NUP205: variants seen among roughly 807,000 people sequenced by gnomAD.
The protein encoded by NUP205 is nuclear pore complex protein Nup205.
Under a neutral mutation model 253.8 loss-of-function variants are expected in NUP205, and 76 were observed. The ratio of observed to expected loss-of-function variants is 0.30; its 90% CI spans 0.25 to 0.36. The LOEUF (loss-of-function observed/expected upper bound fraction) is 0.36. Among genes scored for constraint, NUP205 ranks in the 10% least tolerant of loss-of-function variants. The pLI is 1.00. For missense variants in NUP205, 2,162 were observed against 2,425.5 expected, an observed-to-expected ratio of 0.89 and a Z score of 2.28; for synonymous variants, 832 against 850.1, an observed-to-expected ratio of 0.98 and a Z score of 0.37.
In NUP205 at chr7:135,644,972, G is replaced by A; in HGVS notation, c.5637G>A (p.Leu1879=). The change falls in exon 40 of 43, where the codon TTG becomes TTA. Residue 1879 remains leucine, a synonymous_variant. Coordinates refer to ENST00000285968, the MANE Select transcript of NUP205 (RefSeq NM_015135.3). ...AATATGTTCTAGCAAGACGGCGCTT[G>A]GTGAAGGTGATCAACAATCGAGCTA... The part of the protein sequence containing the change: ...AQKYVLARRR[L]VKVINNRAKL... 1.2e-6 allele frequency: 2 copies of A among 1,614,104 alleles called. No homozygotes were observed. The highest frequency in any genetic ancestry group is 1.7e-6 in the Non-Finnish European group (2 of 1,179,996).
intron 38 of NUP205, among the ~76,000 whole-genome samples, chr7:135,642,070 C>T (rs1163621597): frequency 1.3e-5 from 2 of 151,700 alleles, no homozygotes; most frequent in Non-Finnish European, 2.9e-5. Flanking sequence ...GCCTGGCCAT[C>T]ATGGTGAAAC....
At chr7:135,589,205 A>G (rs1210463871) in intron 10 of NUP205, among the ~76,000 whole-genome samples, 1 of 147,976 alleles carries the variant, frequency 6.8e-6, no homozygotes, top group Non-Finnish European at 1.5e-5. Context: ...GGAGATTGCC[A>G]TGTTCATTTT....
chr7:135,591,611 T>A lies in NUP205; in HGVS notation c.1624+11T>A. 1 of 1,606,258 alleles carries A rather than the reference T, an allele frequency of 6.2e-7. No homozygotes were observed. Among genetic ancestry groups the A allele is most frequent in the East Asian group, 2.2e-5 (1 of 44,840 alleles). On this transcript the variant is annotated intron_variant, in intron 11 of 42. Coordinates refer to ENST00000285968, the MANE Select transcript of NUP205 (RefSeq NM_015135.3). ...ATGGTAGTAGTCATGGTAAGGAATA[T>A]GTGGATGTTGTTAAAGTTTGTTGTT...
intron 1 of NUP205, among the ~76,000 whole-genome samples, chr7:135,562,906 G>A (rs1288170595): frequency 3.3e-5 from 5 of 152,146 alleles, no homozygotes; most frequent in Non-Finnish European, 7.3e-5. Flanking sequence ...CCCGTTTTCT[G>A]TACTGCAGCT....
intron 1 of NUP205, among the ~76,000 whole-genome samples, chr7:135,568,762 C>T (rs956227530): frequency 6.6e-6 from 1 of 152,192 alleles, no homozygotes; most frequent in Admixed American, 6.5e-5. Context: ...AATCTTGCTA[C>T]TGCTCTGAAT....
intron 36 of NUP205, 61 bp downstream of exon 36, chr7:135,635,718 TC>T: frequency 1.0e-6 from 1 of 972,684 alleles, no homozygotes; most frequent in Middle Eastern, 2.6e-4. Context: ...TATACCATCC[TC>T]CCCATTGTGC....
chr7:135,585,337 G>C (rs927506405), intron 8 of NUP205, among the ~76,000 whole-genome samples: 1 of 152,130 alleles, frequency 6.6e-6, no homozygotes, highest in African/African-American at 2.4e-5. Flanking sequence ...ATGGAAATAA[G>C]TCCTCTTAAC....
chr7:135,626,355 C>T lies in NUP205; in HGVS notation c.4787C>T (p.Pro1596Leu), dbSNP rs751353231. ...TATGACATGCGCCCAGAAACGGACC[C>T]GCAGAGGTAAGTGTCTGTATAGATT... is the stretch of plus-strand genomic sequence containing the variant. ...QVYDMRPETD[P>L]QSMFGMRDPP... The change falls in exon 33 of 43, where the codon CCG (proline) becomes CTG (leucine). Residue 1596 changes from proline to leucine, a missense_variant. Transcript: ENST00000285968. 17 of 1,613,796 alleles carry T rather than the reference C, an allele frequency of 1.1e-5. No individual in the cohort carries two copies. The highest frequency in any genetic ancestry group is 6.6e-5 in the South Asian group (6 of 91,068).
chr7:135,597,926 T>C, intron 14 of NUP205, 72 bp from the exon 15 acceptor site: 2 of 1,148,746 alleles, frequency 1.7e-6, no homozygotes, highest in Non-Finnish European at 2.6e-6. Flanking sequence ...AATATGTTAA[T>C]GTCTGCATAA....
In NUP205 at chr7:135,607,387, C is replaced by A. The variant is rs774817875; in HGVS notation, c.3195+16C>A. 29 of 1,610,742 alleles carry A rather than the reference C, an allele frequency of 1.8e-5. No individual in the cohort carries two copies. In the East Asian group the frequency reaches 6.5e-4, roughly 36 times the overall value. ...ATGTTACCAGGTACACAGAAAACTG[C>A]GTTTTGTGGTACTGAATAGAAGAAA... is the stretch of plus-strand genomic sequence containing the variant. On this transcript the variant is annotated intron_variant, in intron 22 of 42. Coordinates refer to ENST00000285968, the MANE Select transcript of NUP205 (RefSeq NM_015135.3).
At chr7:135,584,337 T>A (rs1272409104) in intron 7 of NUP205, among the ~76,000 whole-genome samples, 1 of 152,188 alleles carries the variant, frequency 6.6e-6, no homozygotes, top group African/African-American at 2.4e-5. Flanking sequence ...TATAAAAAAA[T>A]TACAGTTAGA....
intron 6 of NUP205, 140 bp downstream of exon 6, chr7:135,578,164 T>G: frequency 1.7e-6 from 1 of 600,886 alleles, no homozygotes; most frequent in South Asian, 2.2e-5. Flanking sequence ...ATTTGAATAT[T>G]TATATATAAG....
intron 8 of NUP205, among the ~76,000 whole-genome samples, chr7:135,585,595 C>T (rs1341971149): frequency 6.6e-6 from 1 of 151,534 alleles, no homozygotes; most frequent in Admixed American, 6.6e-5. Flanking sequence ...TCTATTGCGC[C>T]CAGGCTGGAG....
At chr7:135,642,737 C>T (rs1056931407) in intron 38 of NUP205, among the ~76,000 whole-genome samples, 2 of 152,096 alleles carry the variant, frequency 1.3e-5, no homozygotes, top group Non-Finnish European at 2.9e-5. Flanking sequence ...CAGAAAGATG[C>T]AGACCAGAAA....
chr7:135,567,128 G>GTATATATATATATATATATA (rs1163648935), intron 1 of NUP205, among the ~76,000 whole-genome samples: 1 of 7,226 alleles, frequency 1.4e-4, no homozygotes, highest in African/African-American at 4.9e-4. Flanking sequence ...GTCTATGTGT[G>GTATATATATATATATATATA]TATATATATA....
intron 2 of NUP205, among the ~76,000 whole-genome samples, chr7:135,573,295 A>G (rs1157631451): frequency 6.6e-6 from 1 of 152,194 alleles, no homozygotes; most frequent in Non-Finnish European, 1.5e-5. Flanking sequence ...TAAGTAATTA[A>G]ACAGTTCATA....
chr7:135,576,316 A>G lies in NUP205; in HGVS notation c.390A>G (p.Val130=). Residue 130 remains valine (V), a synonymous_variant, in exon 4 of 43, where the codon GTA becomes GTG. Coordinates refer to ENST00000285968, the MANE Select transcript of NUP205 (RefSeq NM_015135.3). ...PHFPGLTRGL[V]AVLLYWDGKR... is the part of the protein sequence containing the mutation. The stretch of plus-strand genomic sequence containing the variant: ...TTCCTGGCCTTACCAGAGGATTAGT[A>G]GCTGTTCTTCTGTACTGGGATGGAA... 1 of 1,613,702 alleles carries G rather than the reference A, an allele frequency of 6.2e-7. No homozygotes were observed. Among genetic ancestry groups the G allele is most frequent in the Non-Finnish European group, 8.5e-7 (1 of 1,179,670 alleles).
At chr7:135,564,201 T>C (rs1458428018) in intron 1 of NUP205, among the ~76,000 whole-genome samples, 1 of 150,890 alleles carries the variant, frequency 6.6e-6, no homozygotes, top group Non-Finnish European at 1.5e-5. Flanking sequence ...CACTTCAGCC[T>C]CATGAGTAGC....
In NUP205 at chr7:135,576,812, G is replaced by A. The variant is rs138036067; in HGVS notation, c.489-157G>A. 4.6e-4 allele frequency among the ~76,000 whole-genome samples: 70 copies of A among 152,234 alleles called. No homozygotes were observed. In the East Asian group the frequency reaches 0.013, roughly 28 times the overall value. ...TGGGAGAAAGACCTGAGCCTGGGAC[G>A]TCAAGGCTGCAGTGAGCCATGATCA... On this transcript the variant is annotated intron_variant, in intron 4 of 42. Coordinates refer to ENST00000285968, the MANE Select transcript of NUP205 (RefSeq NM_015135.3).
Sources: allele counts gnomAD v4.1 joint callset (sites outside exome capture counted in the v4.1 genomes callset), GRCh38; gene constraint gnomAD v4.1.1; transcripts MANE v1.5; gene names NCBI Gene and HGNC (gene_info 2026-07-23, HGNC 2026-07-21).